The following MYH15 variants were observed in gnomAD, a reference collection of about 807,000 sequenced individuals.
MYH15 encodes myosin heavy chain 15.
Under a neutral mutation model 240.5 loss-of-function variants are expected in MYH15, and 227 were observed. The ratio of observed to expected loss-of-function variants is 0.94; its 90% CI spans 0.85 to 1.05. The LOEUF (loss-of-function observed/expected upper bound fraction) is 1.05, where lower values mean the gene tolerates loss of function less well. Ranked by LOEUF, MYH15 falls within the 50% of genes least tolerant of loss-of-function variation. MYH15 has a pLI of 0.00. For missense variants in MYH15, 2,217 were observed against 2,247.5 expected (o/e 0.99, Z 0.27); for synonymous variants, 785 against 796.7 (o/e 0.99, Z 0.25).
At chr3:108,534,348 C>G in the MYH15 span, among the ~76,000 whole-genome samples, 2 of 152,096 alleles carry the variant, frequency 1.3e-5, no homozygotes, top group Admixed American at 1.3e-4. Context: ...ATATTTTTAT[C>G]CCTAGAAGGA....
chr3:108,527,860 T>C lies in MYH15; in HGVS notation c.-58+1403A>G, dbSNP rs2083684705. ...GCCTTCATCTTAATCTGTTTTGTGCTGCTATAGCAAAACCCCAGACTGAAT... is the reference window on the plus strand; with the variant it reads ...GCCTTCATCTTAATCTGTTTTGTGCCGCTATAGCAAAACCCCAGACTGAAT... On this transcript the variant is annotated intron_variant, in intron 1 of 41. Transcript: ENST00000273353. Among the ~76,000 whole-genome samples the C allele has an allele frequency of 3.9e-5, 6 of 152,342 alleles. No individual in the cohort carries two copies. In the South Asian group the frequency reaches 1.2e-3, roughly 32 times the overall value.
At chr3:108,439,594 A>T in intron 24 of MYH15, 143 bp downstream of exon 24, 1 of 732,348 alleles carries the variant, frequency 1.4e-6, no homozygotes, top group Admixed American at 2.8e-5. Context: ...TAAGAAAAAG[A>T]ACCCTTTTAT....
At chr3:108,410,543 T>C (rs1048990033) in intron 31 of MYH15, 40 bp downstream of exon 31, 2 of 1,451,976 alleles carry the variant, frequency 1.4e-6, no homozygotes, top group Non-Finnish European at 1.9e-6. Flanking sequence ...CTTCCTGAGC[T>C]ACCCGCTCTG....
At chr3:108,427,326 C>A (rs1242870148) in intron 27 of MYH15, among the ~76,000 whole-genome samples, 3 of 152,154 alleles carry the variant, frequency 2.0e-5, no homozygotes, top group South Asian at 4.2e-4. Context: ...TTAGATGGGG[C>A]CTTTAGGAGG....
At chr3:108,444,098 G>A (rs2082907496) in intron 22 of MYH15, among the ~76,000 whole-genome samples, 3 of 150,754 alleles carry the variant, frequency 2.0e-5, no homozygotes, top group Admixed American at 2.0e-4. Context: ...GTATACATAT[G>A]TAACTAACCT....
chr3:108,410,445 T>A, intron 31 of MYH15, 138 bp downstream of exon 31: 1 of 519,998 alleles, frequency 1.9e-6, no homozygotes, highest in Non-Finnish European at 3.2e-6. Flanking sequence ...AAAAAAAAAA[T>A]AAGTCAAACA....
rs375021950 is a variant in MYH15, at chr3:108,389,004, C to T, written c.5501G>A (p.Arg1834Lys). The change falls in exon 38 of 41, where the codon AGA (arginine) becomes AAA (lysine). Residue 1834 changes from arginine to lysine, a missense_variant. Coordinates refer to ENST00000693548, the MANE Select transcript of MYH15 (RefSeq NM_014981.3). ...CAGCTCTTTGATGCATCGCTCAAGT[C>T]TGCGGGCTCCCCTCTGGGCCTCTGC... ...RSAEAQRGARRLERCIKELTY... is the reference protein window; with the variant it reads ...RSAEAQRGARKLERCIKELTY... 2 of 1,613,752 alleles carry T rather than the reference C, an allele frequency of 1.2e-6. No homozygotes were observed. The highest frequency in any genetic ancestry group is 2.7e-5 in the African/African-American group (2 of 74,908).
chr3:108,505,952 A>C (rs984838133), intron 1 of MYH15, 123 bp from the exon 2 acceptor site: 3 of 583,000 alleles, frequency 5.1e-6, no homozygotes, highest in African/African-American at 1.9e-5. Context: ...GACTACAGGA[A>C]CTTGCAAAGT....
rs764961947 is a variant in MYH15 at position 108,486,451 on chromosome 3, T to TC, written c.946dup (p.Asp316GlyfsTer2). On this transcript the variant is annotated frameshift_variant, in exon 10 of 41. Transcript: ENST00000693548. LOFTEE classifies it high-confidence loss of function. ...TGTGGCCAGCAATTCTTCAGCATCA[T>TC]CCAAGCTCTCCACAGTAACTGCTCC... 25 of 1,611,908 alleles carry TC rather than the reference T, an allele frequency of 1.6e-5. No individual in the cohort carries two copies. Among genetic ancestry groups the TC allele is most frequent in the Non-Finnish European group, 2.0e-5 (23 of 1,178,596 alleles).
At chr3:108,542,263 CAT>C in the MYH15 span, among the ~76,000 whole-genome samples, 6 of 152,086 alleles carry the variant, frequency 3.9e-5, no homozygotes, top group Admixed American at 2.6e-4. Context: ...ATACATTAAC[CAT>C]AGTCTACAGT....
chr3:108,499,332 T>C, intron 5 of MYH15, 123 bp downstream of exon 5: 1 of 972,652 alleles, frequency 1.0e-6, no homozygotes, highest in Non-Finnish European at 1.6e-6. Context: ...CTCAAATGTA[T>C]TGCATCTAAA....
At chr3:108,513,306 G>C (rs1350455072), upstream of MYH15, among the ~76,000 whole-genome samples, 1 of 152,120 alleles carries the variant, frequency 6.6e-6, no homozygotes, top group Non-Finnish European at 1.5e-5. Flanking sequence ...ATGTTTATCG[G>C]AGAATTCTGA....
chr3:108,484,837 G>C (rs1179247363), intron 11 of MYH15, among the ~76,000 whole-genome samples: 1 of 152,136 alleles, frequency 6.6e-6, no homozygotes, highest in Admixed American at 6.5e-5. Flanking sequence ...GGCATACTGT[G>C]TCTTAATTCT....
At chr3:108,421,353 T>C (rs994918748) in intron 27 of MYH15, 139 bp from the exon 28 acceptor site, 4 of 1,006,318 alleles carry the variant, frequency 4.0e-6, no homozygotes, top group African/African-American at 1.6e-5. Flanking sequence ...CATTGGGAGA[T>C]CACATCTTCT....
chr3:108,519,104 G>A (rs969780924), intron 1 of MYH15, among the ~76,000 whole-genome samples: 2 of 152,104 alleles, frequency 1.3e-5, no homozygotes, highest in Non-Finnish European at 2.9e-5. Flanking sequence ...CAGCAAGGAG[G>A]CTGATGTTCT....
At chr3:108,405,959 G>A (rs929832741) in intron 32 of MYH15, among the ~76,000 whole-genome samples, 4 of 152,050 alleles carry the variant, frequency 2.6e-5, no homozygotes, top group African/African-American at 9.7e-5. Flanking sequence ...ACAAATAAAG[G>A]AATTTACAAT....
At chr3:108,473,436 G>A (rs931959194) in intron 12 of MYH15, among the ~76,000 whole-genome samples, 2 of 152,108 alleles carry the variant, frequency 1.3e-5, no homozygotes, top group Non-Finnish European at 1.5e-5. Flanking sequence ...CATATTTGAC[G>A]CTTAGTATCC....
At chr3:108,384,819 A>T in intron 38 of MYH15, 37 bp from the exon 39 acceptor site, 2 of 1,567,408 alleles carry the variant, frequency 1.3e-6, no homozygotes, top group Non-Finnish European at 1.8e-6. Flanking sequence ...GGTGATTCAG[A>T]GGATCCAGCA....
At chr3:108,535,711 T>G in the MYH15 span, among the ~76,000 whole-genome samples, 60 of 151,888 alleles carry the variant, frequency 4.0e-4, no homozygotes, top group Non-Finnish European at 6.2e-4. Flanking sequence ...TTTTGGGGGG[T>G]TTTGTACACT....
Sources: gnomAD v4.1 joint callset for allele counts (sites outside exome capture counted in the v4.1 genomes callset) on GRCh38, gnomAD v4.1.1 for gene constraint, MANE v1.5 for transcripts, NCBI Gene and HGNC (gene_info 2026-07-23, HGNC 2026-07-21) for gene names.